GTF3C5: variants seen among roughly 807,000 people sequenced by gnomAD.
GTF3C5 encodes the protein general transcription factor 3C polypeptide 5.
A neutral mutation model predicts 61.0 loss-of-function variants in GTF3C5; 47 were observed. The observed-to-expected ratio is 0.77, with a 90% CI of 0.61 to 0.98. GTF3C5 has a LOEUF of 0.98. GTF3C5 is among the 50% of genes least tolerant of loss of function. GTF3C5 has a pLI of 0.00. For missense variants in GTF3C5, 659 were observed against 703.3 expected, an observed-to-expected ratio of 0.94 and a Z score of 0.71; for synonymous variants, 295 against 275.4, an observed-to-expected ratio of 1.07 and a Z score of -0.71.
intron 3 of GTF3C5, among the ~76,000 whole-genome samples, chr9:133,045,519 C>T (rs928534482): frequency 6.6e-6 from 1 of 152,232 alleles, no homozygotes; most frequent in Admixed American, 6.5e-5. Context: ...TGTCATAGCC[C>T]CGGTGCCCAG....
At position 133,039,754 on chromosome 9, in the gene GTF3C5, A is replaced by G. The variant is rs140095435; in HGVS notation, c.154-2333A>G. On this transcript the variant is annotated intron_variant, in intron 1 of 10. Coordinates refer to ENST00000372097, the MANE Select transcript of GTF3C5 (RefSeq NM_012087.4). The stretch of plus-strand genomic sequence containing the variant: ...CCAGTTCTCTGTTCCTAACATCCAT[A>G]ACAGTGCCTAGTTCTGTAAATACTT... Among the ~76,000 whole-genome samples, 595 of 152,318 alleles carry G rather than the reference A, an allele frequency of 3.9e-3. 4 individuals carry two copies. Among genetic ancestry groups the G allele is most frequent in the African/African-American group, 0.013 (559 of 41,590 alleles).
chr9:133,052,572 T>A (rs1850419572), intron 5 of GTF3C5, among the ~76,000 whole-genome samples: 1 of 152,042 alleles, frequency 6.6e-6, no homozygotes, highest in Non-Finnish European at 1.5e-5. Context: ...TGAGTGGGGT[T>A]CAGTGGGAGG....
chr9:133,044,006 G>T, intron 3 of GTF3C5, 80 bp downstream of exon 3: 1 of 1,010,666 alleles, frequency 9.9e-7, no homozygotes. Context: ...CACACTGGGC[G>T]TGGTGGTGCA....
intron 3 of GTF3C5, among the ~76,000 whole-genome samples, chr9:133,046,082 T>C (rs1850193116): frequency 6.6e-6 from 1 of 152,092 alleles, no homozygotes; most frequent in Non-Finnish European, 1.5e-5. Flanking sequence ...TTCCAGTGAT[T>C]TGAGAGGCTA....
rs778362645 is a variant in GTF3C5 at position 133,042,247 on chromosome 9, C to G, written c.314C>G (p.Ser105Cys). The change falls in exon 2 of 11, where the codon TCC (serine) becomes TGC (cysteine). Residue 105 changes from serine (S) to cysteine (C), a missense_variant. Ser to Cys is a moderately radical substitution (Grantham distance 112). Transcript: ENST00000372097. ...QKGVLGTEAHSEVTFDMEILG... is the reference protein window; with the variant it reads ...QKGVLGTEAHCEVTFDMEILG... ...GGGGTGCTGGGCACTGAGGCCCACT[C>G]CGAGGTCACATTTGACATGGAGATC... 4.3e-6 allele frequency: 7 copies of G among 1,613,722 alleles called. No individual in the cohort carries two copies. The highest frequency in any genetic ancestry group is 5.9e-6 in the Non-Finnish European group (7 of 1,179,668).
chr9:133,041,648 G>T (rs1234342471), intron 1 of GTF3C5, among the ~76,000 whole-genome samples: 3 of 152,148 alleles, frequency 2.0e-5, no homozygotes, highest in Admixed American at 1.3e-4. Context: ...CCCGCATTTT[G>T]GTGGTAGTGG....
intron 9 of GTF3C5, 108 bp downstream of exon 9, chr9:133,056,202 G>A: frequency 2.3e-6 from 2 of 857,180 alleles, no homozygotes; most frequent in Middle Eastern, 2.6e-4. Context: ...TCCGGCAAGA[G>A]CACTCGCCTG....
chr9:133,033,915 C>T (rs1390048574), intron 1 of GTF3C5, among the ~76,000 whole-genome samples: 1 of 152,156 alleles, frequency 6.6e-6, no homozygotes, highest in African/African-American at 2.4e-5. Flanking sequence ...GAGGGGAACA[C>T]TGGGCCTGAT....
chr9:133,054,412 C>G lies in GTF3C5; in HGVS notation c.993C>G (p.Tyr331Ter), dbSNP rs748391471. ...FRIRCGMKHG[Y>*]APSDLPVKAK... ...CTTGCCCGCCCTCGCCTACAGGTTA[C>G]GCCCCCAGTGACTTGCCGGTCAAAG... The change falls in exon 7 of 11, where the codon TAC becomes TAG. Residue 331 changes from tyrosine (Y) to a stop codon, truncating the protein, a stop_gained. Coordinates refer to ENST00000372097, the MANE Select transcript of GTF3C5 (RefSeq NM_012087.4). LOFTEE classifies it high-confidence loss of function. The G allele has an allele frequency of 6.2e-7, 1 of 1,613,868 alleles. No homozygotes were observed. Among genetic ancestry groups the G allele is most frequent in the Non-Finnish European group, 8.5e-7 (1 of 1,179,794 alleles).
Position 133,058,097 on chromosome 9 carries a change from G to A in GTF3C5, c.*117G>A, listed in dbSNP as rs1829993972. On this transcript the variant is annotated 3_prime_UTR_variant, in exon 11 of 11. Transcript: ENST00000372097. ...GGAATGGCCCTAGGAGGCCCTCTGA[G>A]GAGAGCTAGAGTCCCAGCAAAGGGT... is the stretch of plus-strand genomic sequence containing the variant. 1 of 1,536,142 alleles carries A rather than the reference G, an allele frequency of 6.5e-7. No homozygotes were observed.
In GTF3C5 at chr9:133,055,875, G is replaced by T. The variant is rs376171280; in HGVS notation, c.1168-137G>T. On this transcript the variant is annotated intron_variant, in intron 8 of 10. Coordinates refer to ENST00000372097, the MANE Select transcript of GTF3C5 (RefSeq NM_012087.4). The stretch of plus-strand genomic sequence containing the variant: ...TCCCCAACTCCTCCGTGGCCTTCCA[G>T]CCTGTCTGCCCAACCTGCTCCTGGT... 1.3e-3 allele frequency: 1,901 copies of T among 1,455,924 alleles called. 18 individuals are homozygous for T. In the South Asian group the frequency reaches 0.017, roughly 13 times the overall value. 90.2% of individuals were successfully genotyped at this position (1,455,924 alleles called of 1,614,324 possible). A position where few individuals can be genotyped will look rare whatever the true frequency, so the allele number is the denominator to read the frequency against.
intron 8 of GTF3C5, chr9:133,055,088 TG>T (rs751305734): frequency 1.3e-6 from 2 of 1,550,266 alleles, no homozygotes; most frequent in South Asian, 2.4e-5. Context: ...TCGAGCCCTT[TG>T]GGAGCCTGGG....
intron 5 of GTF3C5, among the ~76,000 whole-genome samples, chr9:133,053,608 A>G (rs913903017): frequency 1.3e-5 from 2 of 152,188 alleles, no homozygotes; most frequent in Admixed American, 6.5e-5. Flanking sequence ...CCCACAGGAA[A>G]GGGTGCTCCT....
At chr9:133,032,195 T>C (rs1306664792) in intron 1 of GTF3C5, among the ~76,000 whole-genome samples, 1 of 152,254 alleles carries the variant, frequency 6.6e-6, no homozygotes, top group Non-Finnish European at 1.5e-5. Context: ...CCCAAAGTGC[T>C]GGGATTATAG....
intron 1 of GTF3C5, among the ~76,000 whole-genome samples, chr9:133,040,817 G>A (rs759328977): frequency 1.5e-4 from 23 of 152,160 alleles, no homozygotes; most frequent in African/African-American, 4.8e-4. Flanking sequence ...GCAAGAGACC[G>A]AGGGCATGAG....
chr9:133,049,715 T>C (rs977956271), intron 3 of GTF3C5, among the ~76,000 whole-genome samples: 6 of 152,212 alleles, frequency 3.9e-5, no homozygotes, highest in African/African-American at 1.4e-4. Flanking sequence ...CCTAAGGGTG[T>C]TCTGTGCCAA....
chr9:133,038,940 T>C (rs1327675194), intron 1 of GTF3C5, among the ~76,000 whole-genome samples: 7 of 152,168 alleles, frequency 4.6e-5, no homozygotes, highest in East Asian at 1.9e-4. Context: ...TAGACTGTTA[T>C]GTTGTTAGGA....
intron 8 of GTF3C5, chr9:133,055,352 GGAGT>G (rs1829905457): frequency 7.5e-7 from 1 of 1,328,862 alleles, no homozygotes; most frequent in African/African-American, 1.5e-5. Flanking sequence ...ACCTGCTGAG[GGAGT>G]GGGTGGCAGA....
intron 8 of GTF3C5, 156 bp from the exon 9 acceptor site, chr9:133,055,856 A>G (rs886128701): frequency 4.9e-6 from 7 of 1,420,186 alleles, no homozygotes; most frequent in South Asian, 3.1e-5. Context: ...TTTTTCCCCA[A>G]CTCCTCCGTG....
Sources: gnomAD v4.1 joint callset for allele counts (sites outside exome capture counted in the v4.1 genomes callset) on GRCh38, gnomAD v4.1.1 for gene constraint, MANE v1.5 for transcripts, NCBI Gene and HGNC (gene_info 2026-07-23, HGNC 2026-07-21) for gene names.